Variants in BSCL2 observed in about 807,000 individuals in gnomAD.
BSCL2 encodes the protein BSCL2 lipid droplet biogenesis associated, seipin.
In BSCL2, 41 loss-of-function variants were observed where a neutral mutation model predicts 57.4. The ratio of observed to expected loss-of-function variants is 0.71; its 90% CI spans 0.56 to 0.93. The LOEUF is 0.93. Among genes scored for constraint, BSCL2 ranks in the 40% least tolerant of loss-of-function variants. The pLI, the probability that BSCL2 is intolerant of heterozygous loss-of-function variation, is 0.00. For synonymous variants in BSCL2, 237 were observed against 227.3 expected (o/e 1.04, Z -0.38); for missense variants, 539 against 586.7 (o/e 0.92, Z 0.84).
chr11:62,705,446 G>T lies in BSCL2; in HGVS notation c.259C>A (p.Arg87Ser). ...AQEVGQVLAG[R>S]ARRLLLQFGV... ...AACTGCAGCAGCAGCCTGCGGGCAC[G>T]GCCTGCCAAGACTTGGCCCACCTCC... Residue 87 changes from arginine to serine, a missense_variant, in exon 2 of 11, where the codon CGT (arginine) becomes AGT (serine). Physicochemically the swap from Arg to Ser is moderately radical, Grantham distance 110. Transcript: ENST00000360796. 2 of 1,614,224 alleles carry T rather than the reference G, an allele frequency of 1.2e-6. No homozygotes were observed. Among genetic ancestry groups the T allele is most frequent in the Non-Finnish European group, 1.7e-6 (2 of 1,180,038 alleles).
In BSCL2 at chr11:62,690,967, C is replaced by G. The variant is rs940924022; in HGVS notation, c.1073-100G>C. On this transcript the variant is annotated intron_variant, in intron 8 of 10. Coordinates refer to ENST00000360796, the MANE Select transcript of BSCL2 (RefSeq NM_001122955.4). ...TCCTCGCCTTTCCTTTGACCCTTGT[C>G]TCAGTCGGTGATACCCTAAGCCTCA... is the stretch of plus-strand genomic sequence containing the variant. The G allele has an allele frequency of 3.2e-6, 5 of 1,579,570 alleles. No homozygotes were observed. The African/African-American group carries it at 6.7e-5, about 21-fold the overall frequency.
At chr11:62,708,453 C>T, upstream of BSCL2, 2 of 1,344,778 alleles carry the variant, frequency 1.5e-6, no homozygotes, top group Non-Finnish European at 2.1e-6. Flanking sequence ...GCTGCAGGTT[C>T]CCAAAGCTCA....
At chr11:62,708,401 G>A (rs1271661472), upstream of BSCL2, 1 of 1,599,546 alleles carries the variant, frequency 6.3e-7, no homozygotes, top group Non-Finnish European at 8.6e-7. Flanking sequence ...AAAGGTAGGT[G>A]GGACCCTGGC....
rs534626710 is a variant in BSCL2 at position 62,697,037 on chromosome 11, C to CA, written c.487-2327dup. On this transcript the variant is annotated intron_variant, in intron 3 of 10. Transcript: ENST00000360796. ...GGGGTGACAGAATGAGACCCCAATT[C>CA]AAAAAAAAAAAAATTAATCTCCTCC... Among the ~76,000 whole-genome samples, 384 of 136,324 alleles carry CA rather than the reference C, an allele frequency of 2.8e-3. 1 individual carries two copies. Among genetic ancestry groups the CA allele is most frequent in the African/African-American group, 7.0e-3 (259 of 37,176 alleles). The allele number at this position is 136,324 out of a possible 152,430, so 89.4% of individuals were successfully genotyped here. A position where few individuals can be genotyped will look rare whatever the true frequency, so the allele number is the denominator to read the frequency against.
intron 3 of BSCL2, among the ~76,000 whole-genome samples, chr11:62,698,642 T>G (rs947072575): frequency 6.6e-6 from 1 of 152,240 alleles, no homozygotes; most frequent in African/African-American, 2.4e-5. Flanking sequence ...ATTATTTCAT[T>G]CATTAATTCA....
In BSCL2 at chr11:62,701,724, C is replaced by T. The variant is rs188253485; in HGVS notation, c.486+744G>A. 9.8e-4 allele frequency among the ~76,000 whole-genome samples: 148 copies of T among 150,640 alleles called. 2 individuals are homozygous for T. The highest frequency in any genetic ancestry group is 6.8e-3 in the Middle Eastern group (2 of 292). On this transcript the variant is annotated intron_variant, in intron 3 of 10. Coordinates refer to ENST00000360796, the MANE Select transcript of BSCL2 (RefSeq NM_001122955.4). ...GCGCGCTCCTGTAGTGCCAGCTACT[C>T]GGGAGGCTGAGGCAGGAGAATCGCT...
intron 4 of BSCL2, 24 bp from the exon 5 acceptor site, chr11:62,692,821 C>G (rs772019272): frequency 6.2e-7 from 1 of 1,612,040 alleles, no homozygotes; most frequent in East Asian, 2.2e-5. Flanking sequence ...GAAGCAGAGG[C>G]TGGGGACAGG....
In BSCL2 at chr11:62,692,661, A is replaced by T. The variant is rs1298978892; in HGVS notation, c.765+2T>A. On this transcript the variant is annotated splice_donor_variant, in intron 5 of 10. Transcript: ENST00000360796. LOFTEE classifies it high-confidence loss of function. Reference sequence around the variant, plus strand: ...GTCATAAAGCTCGTTCACCTCACTCACCGAGTTCTCTCTATAGTCTGCGTA... The same window carrying T: ...GTCATAAAGCTCGTTCACCTCACTCTCCGAGTTCTCTCTATAGTCTGCGTA... The T allele has an allele frequency of 6.2e-7, 1 of 1,613,930 alleles. No homozygotes were observed.
At chr11:62,695,948 G>C (rs1030134522) in intron 3 of BSCL2, among the ~76,000 whole-genome samples, 1 of 151,942 alleles carries the variant, frequency 6.6e-6, no homozygotes, top group Non-Finnish European at 1.5e-5. Context: ...GCTGAGACGA[G>C]TGTATCACAA....
At chr11:62,704,875 T>C (rs1361643460) in intron 2 of BSCL2, among the ~76,000 whole-genome samples, 3 of 152,204 alleles carry the variant, frequency 2.0e-5, no homozygotes, top group Non-Finnish European at 4.4e-5. Flanking sequence ...ATAATCTCTA[T>C]TGTGTAGCCG....
chr11:62,708,851 G>A (rs1565155444), upstream of BSCL2: 3 of 1,482,148 alleles, frequency 2.0e-6, no homozygotes, highest in South Asian at 2.3e-5. Context: ...CCCTCTCCTG[G>A]GCCCTTCCTT....
At chr11:62,708,534 T>A, upstream of BSCL2, 17 of 1,274,530 alleles carry the variant, frequency 1.3e-5, no homozygotes, top group Non-Finnish European at 1.9e-5. Flanking sequence ...TAGAGAGAGC[T>A]GTCCCCAGGC....
Position 62,690,633 on chromosome 11 carries a change from G to C in BSCL2, c.1213C>G (p.Leu405Val). Residue 405 changes from leucine (L) to valine (V), a missense_variant, in exon 10 of 11, where the codon CTA becomes GTA. Leu to Val is a conservative substitution (Grantham distance 32). Around this residue, in one of 3 missense-constraint regions of BSCL2, gnomAD observed 248 missense variants for 239.9 expected, o/e 1.03. Transcript: ENST00000360796. ...DQQPLSGEEE[L>V]EPEASDGSGS... ...TCACCATCACTGGCCTCAGGCTCTA[G>C]CTCCTCTTCTCCGCTCAGGGGCTGC... 6.2e-7 allele frequency: 1 copy of C among 1,613,998 alleles called. No homozygotes were observed. The highest frequency in any genetic ancestry group is 8.5e-7 in the Non-Finnish European group (1 of 1,180,022).
At chr11:62,708,197 T>TG (rs2083574810), upstream of BSCL2, 1 of 808,084 alleles carries the variant, frequency 1.2e-6, no homozygotes, top group Admixed American at 1.8e-5. Flanking sequence ...AACAAAATAT[T>TG]GGGGTATGAC....
At chr11:62,703,196 T>C (rs1945696135) in intron 2 of BSCL2, among the ~76,000 whole-genome samples, 1 of 151,406 alleles carries the variant, frequency 6.6e-6, no homozygotes, top group South Asian at 2.1e-4. Context: ...CAAGAGATTC[T>C]GATTTGGTAG....
Position 62,705,321 on chromosome 11 carries a change from G to A in BSCL2, c.384C>T (p.Ser128=). The A allele has an allele frequency of 1.2e-6, 2 of 1,612,854 alleles. No homozygotes were observed. The highest frequency in any genetic ancestry group is 2.7e-5 in the African/African-American group (2 of 75,020). ...CTCACCTGTAGTAGAAATGCACAGG[G>A]CTGAGGTGGCTGACTGTCGGCATAT... ...YSYMPTVSHL[S]PVHFYYRTDC... is the part of the protein sequence containing the mutation. Residue 128 remains serine (S), a synonymous_variant, in exon 2 of 11, where the codon AGC becomes AGT. Transcript: ENST00000360796.
At position 62,692,414 on chromosome 11, in the gene BSCL2, T is replaced by C. The variant is rs1945336665; in HGVS notation, c.825A>G (p.Gly275=). 1 of 1,613,994 alleles carries C rather than the reference T, an allele frequency of 6.2e-7. No homozygotes were observed. Among genetic ancestry groups the C allele is most frequent in the South Asian group, 1.1e-5 (1 of 91,084 alleles). The change falls in exon 6 of 11, where the codon GGA becomes GGG. Residue 275 remains glycine, a synonymous_variant. Coordinates refer to ENST00000360796, the MANE Select transcript of BSCL2 (RefSeq NM_001122955.4). Reference sequence around the variant, plus strand: ...AGTGCGCGTGGATGCGGAGGTAGGCTCCATACAGCTGGATGCGCTTGCTGT... The same window carrying C: ...AGTGCGCGTGGATGCGGAGGTAGGCCCCATACAGCTGGATGCGCTTGCTGT... ...EIHSKRIQLY[G]AYLRIHAHFT...
At chr11:62,698,248 G>C (rs2134716053) in intron 3 of BSCL2, among the ~76,000 whole-genome samples, 1 of 150,600 alleles carries the variant, frequency 6.6e-6, no homozygotes, top group Admixed American at 6.7e-5. Flanking sequence ...GCCCAGGCTG[G>C]AGTACAGTGG....
chr11:62,707,289 C>A lies in BSCL2; in HGVS notation c.-94G>T. ...GATCCAGACGCTGATACCTGTGGCG[C>A]ATCACATTTTCCTGGATATGGAAAA... is the stretch of plus-strand genomic sequence containing the variant. On this transcript the variant is annotated 5_prime_UTR_variant, in exon 1 of 11. An upstream start codon of the reference 5' UTR is lost. Transcript: ENST00000360796. 1 of 1,098,580 alleles carries A rather than the reference C, an allele frequency of 9.1e-7. No homozygotes were observed. 68.1% of individuals were successfully genotyped at this position (1,098,580 alleles called of 1,614,324 possible).
Sources: gnomAD v4.1 joint callset for allele counts (sites outside exome capture counted in the v4.1 genomes callset) on GRCh38, gnomAD v4.1.1 for gene constraint, gnomAD v4.1.1 regional missense constraint, MANE v1.5 for transcripts, NCBI Gene and HGNC (gene_info 2026-07-23, HGNC 2026-07-21) for gene names.